Variants in HACD1 observed in about 807,000 individuals in gnomAD.
HACD1 encodes the protein very-long-chain (3R)-3-hydroxyacyl-CoA dehydratase 1.
A neutral mutation model predicts 32.0 loss-of-function variants in HACD1; 41 were observed. The observed-to-expected ratio is 1.28, with a 90% CI of 1.00 to 1.66. HACD1 has a LOEUF of 1.66. HACD1 is among the 40% of genes most tolerant of loss of function. The probability of loss-of-function intolerance (pLI) is 0.00; values close to 1 mark genes in which losing one functional copy is unlikely to be tolerated. For missense variants in HACD1, 396 were observed against 380.1 expected (o/e 1.04, Z -0.35); for synonymous variants, 142 against 139.0 (o/e 1.02, Z -0.15).
At chr10:17,599,179 A>G in intron 5 of HACD1, 111 bp downstream of exon 5, 2 of 1,511,174 alleles carry the variant, frequency 1.3e-6, no homozygotes, top group Non-Finnish European at 1.8e-6. Context: ...TACCTCCTAT[A>G]ACAGCATTCT....
At chr10:17,604,246 G>A (rs1338665173) in intron 1 of HACD1, among the ~76,000 whole-genome samples, 199 bp from the exon 2 acceptor site, 3 of 152,142 alleles carry the variant, frequency 2.0e-5, no homozygotes, top group African/African-American at 7.2e-5. Flanking sequence ...CGCACTTTGG[G>A]AGGCCAAGAC....
rs1554816728 is a variant in HACD1, at chr10:17,603,571, T to C, written c.472A>G (p.Ser158Gly). 1 of 1,610,160 alleles carries C rather than the reference T, an allele frequency of 6.2e-7. No homozygotes were observed. The highest frequency in any genetic ancestry group is 8.5e-7 in the Non-Finnish European group (1 of 1,176,556). The change falls in exon 4 of 7, where the codon AGT becomes GGT. Residue 158 changes from serine (S) to glycine (G), a missense_variant. Transcript: ENST00000361271. ...RIFMVWLITH[S>G]IKPIQNEESV... ...TTTGTGTCACTTACTGGTTTTATAC[T>C]GTGAGTAATGAGCCACACCATAAAG...
chr10:17,596,138 T>C (rs562598375), intron 5 of HACD1, among the ~76,000 whole-genome samples: 40 of 152,324 alleles, frequency 2.6e-4, no homozygotes, highest in Admixed American at 2.5e-3. Context: ...GTCAAAGTTG[T>C]CAGTATTGAA....
chr10:17,602,072 A>ATT (rs374433598), intron 4 of HACD1, among the ~76,000 whole-genome samples: 10,857 of 144,148 alleles, frequency 0.075, 512 homozygotes, highest in Middle Eastern at 0.14. Flanking sequence ...CATGGGTTTA[A>ATT]TTTTTTTTTT....
At position 17,603,744 on chromosome 10, in the gene HACD1, T is replaced by C; in HGVS notation, c.376A>G (p.Ile126Val). 1.9e-6 allele frequency: 3 copies of C among 1,595,712 alleles called. No homozygotes were observed. The highest frequency in any genetic ancestry group is 2.6e-6 in the Non-Finnish European group (3 of 1,164,868). The change falls in exon 3 of 7, where the codon ATA becomes GTA. Residue 126 changes from isoleucine to valine, a missense_variant and splice_region_variant. Ile to Val is a conservative substitution (Grantham distance 29). Coordinates refer to ENST00000361271, the MANE Select transcript of HACD1 (RefSeq NM_014241.4). ...AACTCACCAATTAAACAGTGAACTATCTGTAAGCAAATAGAAAAAAATCAT... is the reference window on the plus strand; with the variant it reads ...AACTCACCAATTAAACAGTGAACTACCTGTAAGCAAATAGAAAAAAATCAT... ...KFFQTFALLE[I>V]VHCLIGIVPT...
intron 4 of HACD1, among the ~76,000 whole-genome samples, chr10:17,599,786 G>A (rs1834043878): frequency 6.6e-6 from 1 of 152,004 alleles, no homozygotes; most frequent in Non-Finnish European, 1.5e-5. Flanking sequence ...CTCATCTTTG[G>A]CCCTTTTACT....
intron 5 of HACD1, among the ~76,000 whole-genome samples, chr10:17,598,820 C>G (rs1281932105): frequency 6.6e-6 from 1 of 151,946 alleles, no homozygotes; most frequent in Non-Finnish European, 1.5e-5. Flanking sequence ...CCAAATAATA[C>G]AATTTTAAGT....
At position 17,617,081 on chromosome 10, in the gene HACD1, A is replaced by G; in HGVS notation, c.257+2T>C. 1 of 1,481,000 alleles carries G rather than the reference A, an allele frequency of 6.8e-7. No individual in the cohort carries two copies. The highest frequency in any genetic ancestry group is 1.3e-5 in the South Asian group (1 of 78,342). 91.7% of individuals were successfully genotyped at this position (1,481,000 alleles called of 1,614,324 possible). A position where few individuals can be genotyped will look rare whatever the true frequency, so the allele number is the denominator to read the frequency against. ...CCCGAGGGTGCCCCGCGGCGCGCGTACCCCGCGGTCATGGCGATGTCGTAG... is the reference window on the plus strand; with the variant it reads ...CCCGAGGGTGCCCCGCGGCGCGCGTGCCCCGCGGTCATGGCGATGTCGTAG... On this transcript the variant is annotated splice_donor_variant, in intron 1 of 6. Transcript: ENST00000361271. LOFTEE classifies it high-confidence loss of function.
intron 1 of HACD1, among the ~76,000 whole-genome samples, chr10:17,607,853 G>A (rs1209373515): frequency 1.3e-5 from 2 of 152,106 alleles, no homozygotes; most frequent in African/African-American, 4.8e-5. Flanking sequence ...AATTGAATCA[G>A]GGTTCACTTC....
chr10:17,600,713 C>T (rs1554816436), intron 4 of HACD1, among the ~76,000 whole-genome samples: 1 of 152,154 alleles, frequency 6.6e-6, no homozygotes, highest in African/African-American at 2.4e-5. Context: ...AACTCTTGTA[C>T]ATGTCAGCAT....
intron 1 of HACD1, among the ~76,000 whole-genome samples, chr10:17,616,644 TA>T (rs11343373): frequency 0.089 from 11,086 of 125,252 alleles, 438 homozygotes; most frequent in Non-Finnish European, 0.099. Context: ...TGCTGTGCTT[TA>T]AAAAAAAAAA....
chr10:17,614,422 A>G (rs1454611559), intron 1 of HACD1, among the ~76,000 whole-genome samples: 2 of 151,994 alleles, frequency 1.3e-5, no homozygotes, highest in African/African-American at 4.8e-5. Flanking sequence ...ATGCCCGGCT[A>G]ATTTTTGTAT....
At chr10:17,609,897 T>G (rs998102312) in intron 1 of HACD1, among the ~76,000 whole-genome samples, 2 of 149,670 alleles carry the variant, frequency 1.3e-5, no homozygotes, top group Non-Finnish European at 3.0e-5. Context: ...GGCAGGAGAA[T>G]CGTTTGAATC....
chr10:17,610,891 T>G (rs1834224258), intron 1 of HACD1, among the ~76,000 whole-genome samples: 1 of 152,170 alleles, frequency 6.6e-6, no homozygotes, highest in Non-Finnish European at 1.5e-5. Context: ...CTTTGTGTAT[T>G]GTGTACAGAC....
At chr10:17,612,732 A>T (rs1833003149) in intron 1 of HACD1, among the ~76,000 whole-genome samples, 1 of 151,952 alleles carries the variant, frequency 6.6e-6, no homozygotes, top group Non-Finnish European at 1.5e-5. Context: ...CAACCTGGCC[A>T]ACACGGTGAA....
chr10:17,616,630 G>A (rs1215551638), intron 1 of HACD1, among the ~76,000 whole-genome samples: 1 of 149,668 alleles, frequency 6.7e-6, no homozygotes, highest in Non-Finnish European at 1.5e-5. Context: ...CAAGCTCTAG[G>A]ACGTGCTGTG....
intron 4 of HACD1, chr10:17,602,918 C>T (rs1467972769): frequency 2.0e-5 from 3 of 151,664 alleles, no homozygotes; most frequent in Non-Finnish European, 2.9e-5. Flanking sequence ...GACGGAGTCT[C>T]GCTCTGTCGC....
chr10:17,609,282 T>C (rs1278237195), intron 1 of HACD1, among the ~76,000 whole-genome samples: 2 of 151,810 alleles, frequency 1.3e-5, no homozygotes, highest in Admixed American at 6.6e-5. Context: ...GCCTCCGTAG[T>C]AGCTGAGACT....
At chr10:17,598,114 G>C (rs1834018814) in intron 5 of HACD1, among the ~76,000 whole-genome samples, 3 of 151,792 alleles carry the variant, frequency 2.0e-5, no homozygotes, top group Admixed American at 2.0e-4. Context: ...ACAAAAATTA[G>C]CCAGGTGTGG....
Sources: allele counts gnomAD v4.1 joint callset (sites outside exome capture counted in the v4.1 genomes callset), GRCh38; gene constraint gnomAD v4.1.1; transcripts MANE v1.5; gene names NCBI Gene and HGNC (gene_info 2026-07-23, HGNC 2026-07-21).